Variants in MTUS1 observed in about 807,000 individuals in gnomAD.
The protein encoded by MTUS1 is microtubule-associated tumor suppressor 1.
Under a neutral mutation model 120.8 loss-of-function variants are expected in MTUS1, and 109 were observed. That is an observed-to-expected ratio of 0.90 (90% CI 0.77 to 1.06). MTUS1 has a LOEUF of 1.06. MTUS1 is among the 50% of genes least tolerant of loss of function. The pLI is 0.00. For missense variants in MTUS1, 2,210 were observed against 1,486.3 expected, an observed-to-expected ratio of 1.49 and a Z score of -8.01; for synonymous variants, 737 against 550.5, an observed-to-expected ratio of 1.34 and a Z score of -4.74.
At chr8:17,778,380 A>G (rs2050617679) in intron 1 of MTUS1, among the ~76,000 whole-genome samples, 1 of 152,222 alleles carries the variant, frequency 6.6e-6, no homozygotes, top group Non-Finnish European at 1.5e-5. Flanking sequence ...AAAGGGGCAC[A>G]AGGAAACTTT....
intron 5 of MTUS1, 113 bp from the exon 6 acceptor site, chr8:17,713,365 G>C: frequency 1.5e-6 from 1 of 679,988 alleles, no homozygotes; most frequent in Non-Finnish European, 2.5e-6. Context: ...TACATTTCAG[G>C]TTCCCGGTGG....
chr8:17,735,945 A>G (rs1035389932), intron 3 of MTUS1, among the ~76,000 whole-genome samples: 5 of 152,260 alleles, frequency 3.3e-5, no homozygotes, highest in Non-Finnish European at 7.3e-5. Context: ...CTGAGGTGGA[A>G]TCTGAAGAGC....
intron 1 of MTUS1, among the ~76,000 whole-genome samples, chr8:17,792,008 A>G (rs2051824827): frequency 6.6e-6 from 1 of 152,154 alleles, no homozygotes; most frequent in East Asian, 1.9e-4. Context: ...ATTTCACTCA[A>G]GGTCACATGG....
chr8:17,763,765 C>T (rs1019881510), intron 1 of MTUS1, among the ~76,000 whole-genome samples: 1 of 152,166 alleles, frequency 6.6e-6, no homozygotes, highest in African/African-American at 2.4e-5. Flanking sequence ...CTTTCTAGCA[C>T]ACAGATATTA....
intron 6 of MTUS1, among the ~76,000 whole-genome samples, chr8:17,695,498 T>C (rs1357003830): frequency 1.3e-5 from 2 of 152,196 alleles, no homozygotes; most frequent in African/African-American, 2.4e-5. Context: ...GAAAATAGTT[T>C]TACGTAAGTT....
At chr8:17,751,518 G>C (rs1485329927) in intron 2 of MTUS1, among the ~76,000 whole-genome samples, 1 of 152,100 alleles carries the variant, frequency 6.6e-6, no homozygotes, top group Non-Finnish European at 1.5e-5. Context: ...AAATGTGCAA[G>C]AGGTAAACTA....
intron 1 of MTUS1, chr8:17,800,735 A>T (rs2052618652): frequency 6.6e-6 from 1 of 152,196 alleles, no homozygotes; most frequent in East Asian, 1.9e-4. Flanking sequence ...GCTTCTGCTG[A>T]GAAGGGGCCC....
intron 3 of MTUS1, among the ~76,000 whole-genome samples, chr8:17,739,167 C>CA (rs2047135890): frequency 6.6e-6 from 1 of 151,808 alleles, no homozygotes; most frequent in African/African-American, 2.4e-5. Flanking sequence ...AGAAAACAAA[C>CA]AAACAAAAAA....
chr8:17,752,931 C>T lies in MTUS1; in HGVS notation c.2091+786G>A, dbSNP rs139057846. 2.5e-3 allele frequency among the ~76,000 whole-genome samples: 387 copies of T among 152,284 alleles called. 1 individual carries two copies. The highest frequency in any genetic ancestry group is 8.8e-3 in the African/African-American group (366 of 41,564). On this transcript the variant is annotated intron_variant, in intron 2 of 14. Coordinates refer to ENST00000693296, the MANE Select transcript of MTUS1 (RefSeq NM_001363059.2). ...AAAACCCAGAAAACCAATTTCTACACACTATTCTCAAAAACACATGCATGT... is the reference window on the plus strand; with the variant it reads ...AAAACCCAGAAAACCAATTTCTACATACTATTCTCAAAAACACATGCATGT...
chr8:17,662,998 C>T (rs1810098148), intron 8 of MTUS1, among the ~76,000 whole-genome samples: 1 of 152,136 alleles, frequency 6.6e-6, no homozygotes, highest in South Asian at 2.1e-4. Flanking sequence ...CAATGAATCA[C>T]CCAAGAAGAA....
At chr8:17,663,673 G>A (rs1276578088) in intron 8 of MTUS1, among the ~76,000 whole-genome samples, 2 of 152,096 alleles carry the variant, frequency 1.3e-5, no homozygotes, top group Non-Finnish European at 2.9e-5. Flanking sequence ...TCAGCTCACT[G>A]CAACCTCGGC....
rs551259794 is a variant in MTUS1 at position 17,682,347 on chromosome 8, C to T, written c.2838+1981G>A. 2.2e-4 allele frequency among the ~76,000 whole-genome samples: 34 copies of T among 152,180 alleles called. No individual in the cohort carries two copies. The South Asian group carries it at 6.7e-3, about 30-fold the overall frequency. ...CCTGGCCCACATGGTGAAACCCTGTCTCTACTAGAAAATTACAAAAACTAG... is the reference window on the plus strand; with the variant it reads ...CCTGGCCCACATGGTGAAACCCTGTTTCTACTAGAAAATTACAAAAACTAG... On this transcript the variant is annotated intron_variant, in intron 7 of 14. Coordinates refer to ENST00000693296, the MANE Select transcript of MTUS1 (RefSeq NM_001363059.2).
intron 6 of MTUS1, among the ~76,000 whole-genome samples, chr8:17,704,656 T>C (rs1217351025): frequency 1.3e-5 from 2 of 152,242 alleles, no homozygotes; most frequent in Non-Finnish European, 2.9e-5. Context: ...ACCATACTCT[T>C]TTAATTACTG....
chr8:17,775,884 C>G (rs73567568), intron 1 of MTUS1, among the ~76,000 whole-genome samples: 1 of 152,226 alleles, frequency 6.6e-6, no homozygotes, highest in Non-Finnish European at 1.5e-5. Flanking sequence ...CATGACTACG[C>G]AGGCATTTCA....
chr8:17,667,844 A>T (rs2130536846), intron 8 of MTUS1, among the ~76,000 whole-genome samples: 1 of 152,340 alleles, frequency 6.6e-6, no homozygotes, highest in South Asian at 2.1e-4. Flanking sequence ...AATGCAGAGA[A>T]GTAGACTGAG....
intron 1 of MTUS1, among the ~76,000 whole-genome samples, chr8:17,759,075 G>A (rs1051222931): frequency 2.0e-5 from 3 of 151,670 alleles, no homozygotes; most frequent in Non-Finnish European, 4.4e-5. Context: ...TAGAGATGGT[G>A]TTCCACTGTG....
At position 17,719,746 on chromosome 8, in the gene MTUS1, G is replaced by A. The variant is rs189432572; in HGVS notation, c.2450-3845C>T. The stretch of plus-strand genomic sequence containing the variant: ...CCAGTGTTGGCCACTAACCAGTGTT[G>A]GCAGGTGAGACAATATTCACTTCCC... On this transcript the variant is annotated intron_variant, in intron 4 of 14. Transcript: ENST00000693296. 1.4e-4 allele frequency among the ~76,000 whole-genome samples: 21 copies of A among 152,146 alleles called. 1 individual carries two copies. The East Asian group carries it at 4.1e-3, about 29-fold the overall frequency.
At position 17,754,293 on chromosome 8, in the gene MTUS1, T is replaced by C; in HGVS notation, c.1515A>G (p.Pro505=). 6.2e-7 allele frequency: 1 copy of C among 1,614,164 alleles called. No individual in the cohort carries two copies. ...CTTTTGCTTTGACATTCTTGAAGTT[T>C]GGTCTTGGGTAACTTATAATTTCAG... is the stretch of plus-strand genomic sequence containing the variant. The part of the protein sequence containing the change: ...RKTEIISYPR[P]NFKNVKAKVM... Residue 505 remains proline, a synonymous_variant, in exon 2 of 15, where the codon CCA becomes CCG. Coordinates refer to ENST00000693296, the MANE Select transcript of MTUS1 (RefSeq NM_001363059.2).
At chr8:17,696,911 T>C (rs1818087030) in intron 6 of MTUS1, among the ~76,000 whole-genome samples, 1 of 152,254 alleles carries the variant, frequency 6.6e-6, no homozygotes, top group Non-Finnish European at 1.5e-5. Flanking sequence ...AATATTCTTC[T>C]AAATTTACCT....
Sources: allele counts gnomAD v4.1 joint callset (sites outside exome capture counted in the v4.1 genomes callset), GRCh38; gene constraint gnomAD v4.1.1; transcripts MANE v1.5; gene names NCBI Gene and HGNC (gene_info 2026-07-23, HGNC 2026-07-21).